Variants in CCDC30 observed in about 807,000 individuals in gnomAD.
The protein encoded by CCDC30 is coiled-coil domain-containing protein 30.
CCDC30 carries 70 observed loss-of-function variants against 100.2 expected under a neutral mutation model. The ratio of observed to expected loss-of-function variants is 0.70; its 90% CI spans 0.58 to 0.85. CCDC30 has a LOEUF of 0.85. CCDC30 is among the 40% of genes least tolerant of loss of function. CCDC30 has a pLI of 0.00. For missense variants in CCDC30, 652 were observed against 771.2 expected (o/e 0.85, Z 1.83); for synonymous variants, 233 against 269.5 (o/e 0.86, Z 1.33).
chr1:42,646,293 G>A (rs978046836), exon 15 of CCDC30: 2 of 1,543,332 alleles, frequency 1.3e-6, no homozygotes, highest in Non-Finnish European at 8.7e-7. Context: ...AGGCCACAGA[G>A]AAGTGGAAAC....
rs563149600 is a variant in CCDC30, at chr1:42,600,919, C to T, written c.1165-10059C>T. On this transcript the variant is annotated intron_variant, in intron 10 of 16. Transcript: ENST00000668663. ...CATGTCTTGCTTCCCCTTCACCTTC[C>T]GCCGTGATTGTAAGTTTCCTGAGGC... 1.6e-4 allele frequency among the ~76,000 whole-genome samples: 24 copies of T among 152,036 alleles called. 1 individual carries two copies. The highest frequency in any genetic ancestry group is 5.3e-4 in the African/African-American group (22 of 41,472).
At chr1:42,607,658 A>G (rs1363597551) in intron 10 of CCDC30, among the ~76,000 whole-genome samples, 6 of 152,100 alleles carry the variant, frequency 3.9e-5, no homozygotes, top group African/African-American at 1.4e-4. Flanking sequence ...GTTCTGGGAA[A>G]AAAAAAAATC....
At chr1:42,638,173 G>A (rs1002166269) in intron 12 of CCDC30, among the ~76,000 whole-genome samples, 34 of 152,166 alleles carry the variant, frequency 2.2e-4, no homozygotes, top group African/African-American at 7.5e-4. Context: ...TAATAGGTGG[G>A]TCACAAATAT....
chr1:42,599,773 A>G (rs968140733), intron 10 of CCDC30, among the ~76,000 whole-genome samples: 8 of 152,226 alleles, frequency 5.3e-5, no homozygotes, highest in Non-Finnish European at 8.8e-5. Flanking sequence ...TTAATTTCAG[A>G]CAGCACATAC....
At chr1:42,499,781 T>C (rs544337414) in intron 6 of CCDC30, among the ~76,000 whole-genome samples, 2 of 55,786 alleles carry the variant, frequency 3.6e-5, no homozygotes, top group East Asian at 1.1e-3. Context: ...GCTTGTATTC[T>C]TTTTTTTTTT....
intron 10 of CCDC30, among the ~76,000 whole-genome samples, chr1:42,602,470 A>G (rs1451141051): frequency 6.6e-6 from 1 of 152,196 alleles, no homozygotes; most frequent in Non-Finnish European, 1.5e-5. Flanking sequence ...AGGGAACATT[A>G]CTACAGATGC....
intron 10 of CCDC30, among the ~76,000 whole-genome samples, chr1:42,607,796 G>A (rs1425822830): frequency 6.6e-6 from 1 of 152,174 alleles, no homozygotes; most frequent in Non-Finnish European, 1.5e-5. Flanking sequence ...TCATTTCATT[G>A]TATAAAAAGA....
the CCDC30 span, chr1:42,457,460 GA>G: frequency 1.1e-6 from 1 of 915,144 alleles, no homozygotes; most frequent in South Asian, 1.4e-5. Context: ...AGGCACAGGG[GA>G]TACAGAGATG....
At chr1:42,595,157 A>G (rs1373537562) in intron 10 of CCDC30, 3 of 151,916 alleles carry the variant, frequency 2.0e-5, no homozygotes, top group Non-Finnish European at 4.4e-5. Context: ...TTTTTTTATT[A>G]CTACAAGTCT....
chr1:42,492,744 T>C (rs1443266936), intron 4 of CCDC30, among the ~76,000 whole-genome samples: 1 of 151,868 alleles, frequency 6.6e-6, no homozygotes, highest in Admixed American at 6.6e-5. Flanking sequence ...ACCTCCTAGG[T>C]TCAAGCAATT....
At chr1:42,504,495 C>T (rs759230451) in intron 6 of CCDC30, among the ~76,000 whole-genome samples, 1 of 152,212 alleles carries the variant, frequency 6.6e-6, no homozygotes, top group Non-Finnish European at 1.5e-5. Context: ...CATGTCGATG[C>T]ATGGTTCTGT....
intron 2 of CCDC30, among the ~76,000 whole-genome samples, chr1:42,482,222 C>CAAAAAAAAAAAA (rs11399996): frequency 7.8e-6 from 1 of 127,448 alleles, no homozygotes. Flanking sequence ...GACTCCATCT[C>CAAAAAAAAAAAA]AAAAAAAAAA....
intron 6 of CCDC30, among the ~76,000 whole-genome samples, chr1:42,543,458 G>T (rs1212233959): frequency 6.6e-6 from 1 of 151,302 alleles, no homozygotes; most frequent in African/African-American, 2.4e-5. Context: ...AGTAACTGGG[G>T]TTGCAGCATG....
At chr1:42,476,484 A>G (rs921466963) in intron 1 of CCDC30, among the ~76,000 whole-genome samples, 8 of 152,082 alleles carry the variant, frequency 5.3e-5, no homozygotes, top group Non-Finnish European at 1.2e-4. Context: ...TGAGGTGGGG[A>G]GTTCGAGACC....
intron 10 of CCDC30, among the ~76,000 whole-genome samples, chr1:42,608,476 C>T (rs563497526): frequency 5.9e-5 from 9 of 152,042 alleles, no homozygotes; most frequent in Non-Finnish European, 7.4e-5. Flanking sequence ...CCGAGGCGGG[C>T]GGATCACGAG....
downstream of CCDC30, chr1:42,654,249 G>T: frequency 2.0e-6 from 1 of 502,634 alleles, no homozygotes; most frequent in Non-Finnish European, 3.5e-6. Flanking sequence ...ATTGACTTTA[G>T]TTCAATGATT....
intron 12 of CCDC30, among the ~76,000 whole-genome samples, chr1:42,638,766 C>T (rs1489910561): frequency 6.6e-6 from 1 of 152,038 alleles, no homozygotes; most frequent in Non-Finnish European, 1.5e-5. Flanking sequence ...ATTCCAGCTA[C>T]TCAGGAGACT....
chr1:42,618,229 CTTTT>C (rs563022326), intron 11 of CCDC30, among the ~76,000 whole-genome samples: 2 of 90,462 alleles, frequency 2.2e-5, no homozygotes, highest in African/African-American at 9.1e-5. Flanking sequence ...CCAGTGATAT[CTTTT>C]TTTTTTTTTT....
At chr1:42,501,056 A>G (rs570604238) in intron 6 of CCDC30, among the ~76,000 whole-genome samples, 62 of 152,302 alleles carry the variant, frequency 4.1e-4, no homozygotes, top group African/African-American at 1.3e-3. Context: ...TTTCTTTTAT[A>G]ATTTTGTGAT....
Sources: gnomAD v4.1 joint callset for allele counts (sites outside exome capture counted in the v4.1 genomes callset) on GRCh38, gnomAD v4.1.1 for gene constraint, MANE v1.5 for transcripts, NCBI Gene and HGNC (gene_info 2026-07-23, HGNC 2026-07-21) for gene names.